Variants in PALLD observed in about 807,000 individuals in gnomAD.
PALLD encodes the protein palladin.
PALLD carries 61 observed loss-of-function variants against 123.5 expected under a neutral mutation model. That is an observed-to-expected ratio of 0.49 (90% CI 0.40 to 0.61). The LOEUF is 0.61. Ranked by LOEUF, PALLD falls within the 20% of genes least tolerant of loss-of-function variation. PALLD has a pLI of 0.00. For missense variants in PALLD, 1,273 were observed against 1,377.0 expected (o/e 0.92, Z 1.20); for synonymous variants, 465 against 496.4 (o/e 0.94, Z 0.84).
chr4:168,774,084 C>G (rs561374599), intron 10 of PALLD, among the ~76,000 whole-genome samples: 3 of 133,664 alleles, frequency 2.2e-5, no homozygotes, highest in Non-Finnish European at 4.8e-5. Context: ...TTTTTTTTTG[C>G]GATTAAAAAA....
intron 2 of PALLD, among the ~76,000 whole-genome samples, chr4:168,569,945 G>T (rs866823314): frequency 6.6e-6 from 1 of 152,110 alleles, no homozygotes; most frequent in South Asian, 2.1e-4. Context: ...TTTAATTCCT[G>T]CCAAGCAATA....
At chr4:168,655,197 C>T (rs1423770256) in intron 2 of PALLD, among the ~76,000 whole-genome samples, 1 of 152,134 alleles carries the variant, frequency 6.6e-6, no homozygotes, top group African/African-American at 2.4e-5. Context: ...GAAAGCTGAC[C>T]TCTAAACATG....
At chr4:168,793,841 C>G (rs1366520357) in intron 10 of PALLD, among the ~76,000 whole-genome samples, 2 of 152,122 alleles carry the variant, frequency 1.3e-5, no homozygotes, top group African/African-American at 4.8e-5. Context: ...TAGAAGTCTT[C>G]CCATCAGAAA....
chr4:168,602,529 A>G (rs1772770342), intron 2 of PALLD, among the ~76,000 whole-genome samples: 1 of 152,206 alleles, frequency 6.6e-6, no homozygotes, highest in Non-Finnish European at 1.5e-5. Flanking sequence ...ATTGCCAGGT[A>G]TGAAGGCACA....
At chr4:168,753,317 G>A (rs1009252590) in intron 10 of PALLD, among the ~76,000 whole-genome samples, 6 of 151,974 alleles carry the variant, frequency 3.9e-5, no homozygotes, top group African/African-American at 1.2e-4. Flanking sequence ...CAACATTTCT[G>A]TCACTAACCT....
chr4:168,833,357 A>G (rs965609734), intron 10 of PALLD, among the ~76,000 whole-genome samples: 2 of 152,104 alleles, frequency 1.3e-5, no homozygotes, highest in Non-Finnish European at 2.9e-5. Flanking sequence ...GAGTCCCGTT[A>G]CTGGTCTTCA....
intron 2 of PALLD, among the ~76,000 whole-genome samples, chr4:168,595,408 G>A (rs982918293): frequency 1.3e-5 from 2 of 152,086 alleles, no homozygotes; most frequent in Admixed American, 6.5e-5. Flanking sequence ...TGGTATGGTG[G>A]GGCCCAGGGG....
chr4:168,543,314 T>C (rs1765822653), intron 2 of PALLD, among the ~76,000 whole-genome samples: 2 of 118,992 alleles, frequency 1.7e-5, no homozygotes, highest in African/African-American at 5.6e-5. Flanking sequence ...ATATAAATTA[T>C]ATTTATCTTT....
At chr4:168,800,433 A>T (rs1427906614) in intron 10 of PALLD, among the ~76,000 whole-genome samples, 1 of 152,220 alleles carries the variant, frequency 6.6e-6, no homozygotes, top group Non-Finnish European at 1.5e-5. Flanking sequence ...ACCAGGCAAT[A>T]AAAAATAAAT....
At chr4:168,618,600 G>C (rs1156450000) in intron 2 of PALLD, among the ~76,000 whole-genome samples, 1 of 152,158 alleles carries the variant, frequency 6.6e-6, no homozygotes, top group African/African-American at 2.4e-5. Context: ...TGCTTTGAAA[G>C]GCCAGTTATA....
intron 2 of PALLD, among the ~76,000 whole-genome samples, chr4:168,578,206 T>C (rs899336224): frequency 1.3e-5 from 2 of 151,312 alleles, no homozygotes; most frequent in Non-Finnish European, 2.9e-5. Flanking sequence ...TTAAAAAACA[T>C]CTAATTGTGA....
intron 15 of PALLD, among the ~76,000 whole-genome samples, chr4:168,910,736 T>C (rs1233581582): frequency 6.6e-6 from 1 of 152,154 alleles, no homozygotes. Flanking sequence ...CTAAAGTCAC[T>C]CACCTGTAAG....
At chr4:168,694,858 C>T (rs1782991255) in intron 8 of PALLD, among the ~76,000 whole-genome samples, 1 of 152,174 alleles carries the variant, frequency 6.6e-6, no homozygotes, top group African/African-American at 2.4e-5. Context: ...GACCAACATC[C>T]GTTTGTCATA....
intron 10 of PALLD, among the ~76,000 whole-genome samples, chr4:168,872,067 C>T (rs1751153295): frequency 6.6e-6 from 1 of 152,240 alleles, no homozygotes; most frequent in African/African-American, 2.4e-5. Flanking sequence ...TCCCCTACCT[C>T]TCATTCCTAT....
At chr4:168,905,781 CTTTTTTTTCTTTTTTTTTTTT>C (rs1377511794) in intron 15 of PALLD, among the ~76,000 whole-genome samples, 7 of 99,186 alleles carry the variant, frequency 7.1e-5, no homozygotes, top group South Asian at 4.0e-4. Flanking sequence ...GCGGAACTTG[CTTTTTTTTCTTTTTTTTTTTT>C]TTTTTTTTCT....
At chr4:168,606,191 G>A (rs1216675200) in intron 2 of PALLD, among the ~76,000 whole-genome samples, 10 of 152,162 alleles carry the variant, frequency 6.6e-5, no homozygotes, top group Admixed American at 5.9e-4. Flanking sequence ...CAGGGAAGTT[G>A]AGCATCCTTA....
chr4:168,584,332 C>T (rs192177760), intron 2 of PALLD, among the ~76,000 whole-genome samples: 1 of 152,116 alleles, frequency 6.6e-6, no homozygotes, highest in Non-Finnish European at 1.5e-5. Context: ...TTACAGTGTG[C>T]GTTAAGAATG....
At chr4:168,619,253 G>A (rs528358873) in intron 2 of PALLD, among the ~76,000 whole-genome samples, 5 of 152,338 alleles carry the variant, frequency 3.3e-5, no homozygotes, top group Admixed American at 6.5e-5. Flanking sequence ...AGGATGGATA[G>A]GAACTGGTGC....
Position 168,903,808 on chromosome 4 carries a change from A to G in PALLD, c.2524A>G (p.Thr842Ala), listed in dbSNP as rs1553973196. The change falls in exon 15 of 22, where the codon ACC (threonine) becomes GCC (alanine). Residue 842 changes from threonine (T) to alanine (A), a missense_variant. By Grantham distance (58) the Thr-to-Ala change is moderately conservative. Transcript: ENST00000505667. ...GATCTCTCCAAAGAGTGATCACTAC[A>G]CCATTCAAAGAGATCTCGATGGGAC... Reference protein sequence around the residue: ...KQISPKSDHYTIQRDLDGTCS... With the variant: ...KQISPKSDHYAIQRDLDGTCS... 2.5e-6 allele frequency: 4 copies of G among 1,611,636 alleles called. No homozygotes were observed. Among genetic ancestry groups the G allele is most frequent in the Non-Finnish European group, 3.4e-6 (4 of 1,177,810 alleles).
Sources: gnomAD v4.1 joint callset for allele counts (sites outside exome capture counted in the v4.1 genomes callset) on GRCh38, gnomAD v4.1.1 for gene constraint, MANE v1.5 for transcripts, NCBI Gene and HGNC (gene_info 2026-07-23, HGNC 2026-07-21) for gene names.